Variants in NECAB3 observed in about 807,000 individuals in gnomAD.
NECAB3 encodes N-terminal EF-hand calcium binding protein 3, also known as N-terminal EF-hand calcium-binding protein 3.
A neutral mutation model predicts 57.2 loss-of-function variants in NECAB3; 38 were observed. The ratio of observed to expected loss-of-function variants is 0.66; its 90% confidence interval spans 0.51 to 0.87. NECAB3 has a LOEUF of 0.87. Among genes scored for constraint, NECAB3 ranks in the 40% least tolerant of loss-of-function variants. The pLI is 0.00. For synonymous variants in NECAB3, 223 were observed against 222.6 expected (o/e 1.00, Z -0.02); for missense variants, 474 against 527.5 (o/e 0.90, Z 0.99).
chr20:33,672,257 T>G, intron 2 of NECAB3, 141 bp downstream of exon 2: 1 of 969,396 alleles, frequency 1.0e-6, no homozygotes, highest in Non-Finnish European at 1.6e-6. Context: ...CTCTGGGAAG[T>G]GCCTTGATTG....
In NECAB3 at chr20:33,659,865, C is replaced by G; in HGVS notation, c.643+20G>C. The G allele has an allele frequency of 6.5e-7, 1 of 1,540,830 alleles. No individual in the cohort carries two copies. On this transcript the variant is annotated intron_variant, in intron 7 of 11. Transcript: ENST00000246190. Reference sequence around the variant, plus strand: ...GCGGTGCCTGCCTCGGCCAGGCCTCCCACCCCACCCCAGGCGCACCTGTGT... The same window carrying G: ...GCGGTGCCTGCCTCGGCCAGGCCTCGCACCCCACCCCAGGCGCACCTGTGT...
intron 5 of NECAB3, among the ~76,000 whole-genome samples, chr20:33,661,535 TC>T (rs758513444): frequency 4.6e-5 from 7 of 152,230 alleles, no homozygotes; most frequent in Non-Finnish European, 8.8e-5. Context: ...CTCCATGAAA[TC>T]TTCCCAAAAA....
chr20:33,659,584 G>A lies in NECAB3; in HGVS notation c.792C>T (p.Cys264=). Residue 264 remains cysteine, a synonymous_variant, in exon 8 of 12, where the codon TGC becomes TGT. Coordinates refer to ENST00000246190, the MANE Select transcript of NECAB3 (RefSeq NM_031232.4). ...PSWYPPEPGP[C]WRPGPHSVPS... ...GCACAGAGTGTGGGCCGGGCCTCCA[G>A]CATGGGCCTGGCTCTGGTGGATACC... is the stretch of plus-strand genomic sequence containing the variant. 1 of 1,598,806 alleles carries A rather than the reference G, an allele frequency of 6.3e-7. No homozygotes were observed. The highest frequency in any genetic ancestry group is 1.1e-5 in the South Asian group (1 of 89,332).
chr20:33,667,272 C>A (rs1218116950), intron 5 of NECAB3: 1 of 472,472 alleles, frequency 2.1e-6, no homozygotes, highest in South Asian at 6.4e-5. Flanking sequence ...GAGCGCCGGG[C>A]TGCGAGCTGG....
rs752473060 is a variant in NECAB3, at chr20:33,658,503, G to A, written c.1044C>T (p.Phe348=). ...TTCTCCAGGAGGCCTCATCCTGCCA[G>A]AACTCATACAGGGTGAAGGAGGCAC... ...LDGASFTLYE[F]WQDEASWRRH... is the part of the protein sequence containing the mutation. Residue 348 remains phenylalanine (F), a synonymous_variant, in exon 10 of 12, where the codon TTC becomes TTT. Transcript: ENST00000246190. 13 of 1,614,030 alleles carry A rather than the reference G, an allele frequency of 8.1e-6. No homozygotes were observed. The highest frequency in any genetic ancestry group is 1.0e-5 in the Non-Finnish European group (12 of 1,179,990).
Position 33,669,729 on chromosome 20 carries a change from A to C in NECAB3, c.264-17T>G. The C allele has an allele frequency of 1.3e-6, 2 of 1,587,386 alleles. No homozygotes were observed. Among genetic ancestry groups the C allele is most frequent in the Non-Finnish European group, 1.7e-6 (2 of 1,166,542 alleles). On this transcript the variant is annotated splice_polypyrimidine_tract_variant and intron_variant, in intron 3 of 11. Coordinates refer to ENST00000246190, the MANE Select transcript of NECAB3 (RefSeq NM_031232.4). ...TCTAAATTGCTGCAGGGAAAAGAGA[A>C]GGCGCCCTTCAGACCTGGGCCTGGT...
Position 33,659,911 on chromosome 20 carries a change from G to C in NECAB3, c.617C>G (p.Thr206Ser). ...RALRSVSRSS[T>S]WSPGSSDTGR... The stretch of plus-strand genomic sequence containing the variant: ...TGTGTCAGAAGAGCCGGGGGACCAG[G>C]TGGATGACCGGCTGACACTCCTCAG... The change falls in exon 7 of 12, where the codon ACC becomes AGC. Residue 206 changes from threonine (T) to serine (S), a missense_variant. Coordinates refer to ENST00000246190, the MANE Select transcript of NECAB3 (RefSeq NM_031232.4). 6.5e-7 allele frequency: 1 copy of C among 1,547,786 alleles called. No individual in the cohort carries two copies. Among genetic ancestry groups the C allele is most frequent in the Non-Finnish European group, 8.7e-7 (1 of 1,148,258 alleles).
chr20:33,671,323 G>A (rs1601175892), intron 2 of NECAB3, among the ~76,000 whole-genome samples: 1 of 152,160 alleles, frequency 6.6e-6, no homozygotes, highest in African/African-American at 2.4e-5. Context: ...GCAGAGGCTG[G>A]GAGTACTTAT....
chr20:33,657,527 A>T lies in NECAB3; in HGVS notation c.*302T>A. On this transcript the variant is annotated 3_prime_UTR_variant, in exon 12 of 12. Coordinates refer to ENST00000246190, the MANE Select transcript of NECAB3 (RefSeq NM_031232.4). ...TGAGGCCCACCCAGACAGGGACGGGACCTGCCCTGGGTCGCTCAGCCAGGC... is the reference window on the plus strand; with the variant it reads ...TGAGGCCCACCCAGACAGGGACGGGTCCTGCCCTGGGTCGCTCAGCCAGGC... The T allele has an allele frequency of 2.7e-6, 1 of 364,346 alleles. No individual in the cohort carries two copies. The highest frequency in any genetic ancestry group is 4.6e-6 in the Non-Finnish European group (1 of 216,372). The allele number at this position is 364,346 out of a possible 1,614,324, so 22.6% of individuals were successfully genotyped here.
chr20:33,664,248 C>G (rs2017586446), intron 5 of NECAB3: 1 of 209,286 alleles, frequency 4.8e-6, no homozygotes, highest in South Asian at 1.5e-4. Flanking sequence ...GCCTGACATC[C>G]CCCCAGCATC....
intron 5 of NECAB3, chr20:33,664,103 G>C (rs2017582545): frequency 2.2e-6 from 1 of 461,476 alleles, no homozygotes; most frequent in Non-Finnish European, 3.8e-6. Flanking sequence ...CCTTGCTACA[G>C]TGGCGGGAGG....
At chr20:33,663,853 C>T (rs2017574370) in intron 5 of NECAB3, 1 of 1,402,884 alleles carries the variant, frequency 7.1e-7, no homozygotes, top group Non-Finnish European at 9.2e-7. Context: ...CCGCTGCCCT[C>T]GCCCGCAGCT....
Position 33,660,993 on chromosome 20 carries a change from G to A in NECAB3, c.388-598C>T, listed in dbSNP as rs953227922. Among the ~76,000 whole-genome samples the A allele has an allele frequency of 6.6e-6, 1 of 152,204 alleles. No individual in the cohort carries two copies. Among genetic ancestry groups the A allele is most frequent in the African/African-American group, 2.4e-5 (1 of 41,446 alleles). On this transcript the variant is annotated intron_variant, in intron 5 of 11. Transcript: ENST00000246190. The surrounding 1 kb of genome is among the most constrained non-coding windows in gnomAD (Gnocchi z 4.1). Reference sequence around the variant, plus strand: ...CCCCTCTCAGGGTGGCAGAGAGGCAGGGAGGCTGCCCAAATGCTAGGCCCT... The same window carrying A: ...CCCCTCTCAGGGTGGCAGAGAGGCAAGGAGGCTGCCCAAATGCTAGGCCCT...
intron 5 of NECAB3, chr20:33,668,403 C>G: frequency 1.1e-6 from 1 of 902,930 alleles, no homozygotes; most frequent in Admixed American, 3.4e-5. Context: ...ATGGGACCCT[C>G]ATTTTGAACT....
intron 5 of NECAB3, chr20:33,667,660 T>C (rs1178807082): frequency 3.1e-6 from 5 of 1,610,774 alleles, no homozygotes; most frequent in Non-Finnish European, 4.2e-6. Flanking sequence ...CCTGTCGCGC[T>C]ACCTGCGGGA....
In NECAB3 at chr20:33,663,520, T is replaced by A. The variant is rs535273746; in HGVS notation, c.388-3125A>T. On this transcript the variant is annotated intron_variant, in intron 5 of 11. Coordinates refer to ENST00000246190, the MANE Select transcript of NECAB3 (RefSeq NM_031232.4). ...CGCGCTCTCCCGCCTCACGCCCCTG[T>A]TCCACCCCCAGACCAGGATCGTGCT... 3.4e-5 allele frequency: 55 copies of A among 1,606,568 alleles called. No individual in the cohort carries two copies. The South Asian group carries it at 5.6e-4, about 16-fold the overall frequency.
At chr20:33,669,617 C>G (rs558877750) in intron 4 of NECAB3, 70 bp downstream of exon 4, 78 of 1,546,280 alleles carry the variant, frequency 5.0e-5, no homozygotes, top group Admixed American at 2.0e-5. Context: ...AGACCAGCAA[C>G]AGTCCCTTGC....
In NECAB3 at chr20:33,657,660, T is replaced by C. The variant is rs2017326757; in HGVS notation, c.*169A>G. 1.1e-5 allele frequency: 7 copies of C among 617,128 alleles called. No individual in the cohort carries two copies. The highest frequency in any genetic ancestry group is 3.0e-5 in the East Asian group (1 of 33,448). The allele number at this position is 617,128 out of a possible 1,614,324, so 38.2% of individuals were successfully genotyped here. On this transcript the variant is annotated 3_prime_UTR_variant, in exon 12 of 12. Transcript: ENST00000246190. ...AATACAGGGATAAATAAATCAATAA[T>C]AAATAGAAAGCAAGCAGCCCAGTCC...
In NECAB3 at chr20:33,659,889, G is replaced by A. The variant is rs1322378952; in HGVS notation, c.639C>T (p.Asp213=). The A allele has an allele frequency of 2.6e-6, 4 of 1,545,100 alleles. No individual in the cohort carries two copies. In the East Asian group the frequency reaches 9.7e-5, roughly 38 times the overall value. The stretch of plus-strand genomic sequence containing the variant: ...CCCACCCCACCCCAGGCGCACCTGT[G>A]TCAGAAGAGCCGGGGGACCAGGTGG... ...RSSTWSPGSS[D]TGRSSEAEMQ... is the part of the protein sequence containing the mutation. Residue 213 remains aspartate (D), a synonymous_variant, in exon 7 of 12, where the codon GAC becomes GAT. Coordinates refer to ENST00000246190, the MANE Select transcript of NECAB3 (RefSeq NM_031232.4).
Sources: gnomAD v4.1 joint callset for allele counts (sites outside exome capture counted in the v4.1 genomes callset) on GRCh38, gnomAD v4.1.1 for gene constraint, Gnocchi (gnomAD v3.1) non-coding constraint, MANE v1.5 for transcripts, NCBI Gene and HGNC (gene_info 2026-07-23, HGNC 2026-07-21) for gene names.